Variants in ELP4 observed in about 807,000 individuals in gnomAD.
ELP4 encodes elongator complex protein 4.
ELP4 carries 51 observed loss-of-function variants against 48.9 expected under a neutral mutation model. That is an observed-to-expected ratio of 1.04 (90% confidence interval 0.83 to 1.32). The LOEUF (loss-of-function observed/expected upper bound fraction) is 1.32. ELP4 is among the 40% of genes most tolerant of loss of function. The pLI is 0.00. For synonymous variants in ELP4, 210 were observed against 189.2 expected, an observed-to-expected ratio of 1.11 and a Z score of -0.90; for missense variants, 519 against 514.6, an observed-to-expected ratio of 1.01 and a Z score of -0.08.
chr11:31,536,981 T>C (rs1197527333), intron 2 of ELP4, among the ~76,000 whole-genome samples: 1 of 152,218 alleles, frequency 6.6e-6, no homozygotes, highest in African/African-American at 2.4e-5. Flanking sequence ...ATTGTAAACA[T>C]TTTTATGAAG....
At chr11:31,682,982 T>C (rs553983765) in intron 9 of ELP4, among the ~76,000 whole-genome samples, 1 of 152,320 alleles carries the variant, frequency 6.6e-6, no homozygotes, top group Admixed American at 6.5e-5. Context: ...TCACCCATAG[T>C]GCCAAAATAT....
chr11:31,719,268 A>C (rs1946907031), intron 9 of ELP4, among the ~76,000 whole-genome samples: 1 of 152,230 alleles, frequency 6.6e-6, no homozygotes, highest in South Asian at 2.1e-4. Context: ...AAAGAAAAAA[A>C]AAAAAGAAAG....
chr11:31,685,454 C>G lies in ELP4; in HGVS notation c.1143+35233C>G, dbSNP rs552332119. ...CTGTGCATTTTTTTACTCTATATTT[C>G]CAATTACATAGTTAATTGAAATGGG... is the stretch of plus-strand genomic sequence containing the variant. On this transcript the variant is annotated intron_variant, in intron 9 of 9. Transcript: ENST00000640961. 2.6e-5 allele frequency among the ~76,000 whole-genome samples: 4 copies of G among 152,106 alleles called. No individual in the cohort carries two copies. In the East Asian group the frequency reaches 7.7e-4, roughly 29 times the overall value.
intron 3 of ELP4, among the ~76,000 whole-genome samples, chr11:31,566,591 T>C (rs1957115724): frequency 1.3e-5 from 2 of 152,180 alleles, no homozygotes; most frequent in Non-Finnish European, 2.9e-5. Flanking sequence ...CACACCATAA[T>C]CGGGTAAAAT....
intron 4 of ELP4, chr11:31,600,039 T>C (rs535893244): frequency 6.6e-6 from 1 of 152,306 alleles, no homozygotes; most frequent in South Asian, 2.1e-4. Context: ...TTGATTATCA[T>C]AGATGCCTTT....
At chr11:31,682,529 A>G (rs1356994596) in intron 9 of ELP4, among the ~76,000 whole-genome samples, 2 of 152,196 alleles carry the variant, frequency 1.3e-5, no homozygotes, top group African/African-American at 4.8e-5. Flanking sequence ...TATTTGTAAA[A>G]TTAGCACCTT....
chr11:31,714,744 G>GGCTT, intron 9 of ELP4: 1 of 398,534 alleles, frequency 2.5e-6, no homozygotes, highest in East Asian at 3.6e-5. Context: ...CTTGGCTCAT[G>GGCTT]GCTTCTTCCT....
At position 31,716,105 on chromosome 11, in the gene ELP4, C is replaced by T. The variant is rs116985479; in HGVS notation, c.1143+65884C>T. Reference sequence around the variant, plus strand: ...CGTAGCTCACTGCAGCCTCAAATTCCTGGGTTGTAAACCATCCTCCTGCCT... The same window carrying T: ...CGTAGCTCACTGCAGCCTCAAATTCTTGGGTTGTAAACCATCCTCCTGCCT... On this transcript the variant is annotated intron_variant, in intron 9 of 9. Coordinates refer to ENST00000640961, the MANE Select transcript of ELP4 (RefSeq NM_019040.5). Among the ~76,000 whole-genome samples the T allele has an allele frequency of 7.1e-3, 1,086 of 152,250 alleles. 5 individuals carry two copies. The highest frequency in any genetic ancestry group is 9.8e-3 in the Non-Finnish European group (667 of 68,024).
At chr11:31,622,414 G>A (rs928852699) in intron 5 of ELP4, among the ~76,000 whole-genome samples, 9 of 151,302 alleles carry the variant, frequency 5.9e-5, no homozygotes, top group Non-Finnish European at 1.3e-4. Flanking sequence ...TTTCTTTGAG[G>A]ACTTTTGCTA....
chr11:31,671,893 A>G (rs575872205), intron 9 of ELP4, among the ~76,000 whole-genome samples: 1 of 152,316 alleles, frequency 6.6e-6, no homozygotes, highest in East Asian at 1.9e-4. Flanking sequence ...ATGTGACTTA[A>G]GGTTTAGCTG....
chr11:31,686,569 T>A (rs1946166266), intron 9 of ELP4, among the ~76,000 whole-genome samples: 1 of 152,116 alleles, frequency 6.6e-6, no homozygotes, highest in African/African-American at 2.4e-5. Flanking sequence ...AGATTACCAA[T>A]CAGATTTGTG....
intron 9 of ELP4, among the ~76,000 whole-genome samples, chr11:31,778,624 T>A (rs1948298727): frequency 6.6e-6 from 1 of 152,068 alleles, no homozygotes; most frequent in Non-Finnish European, 1.5e-5. Flanking sequence ...CTGACGAGAG[T>A]CTTATGAGGG....
chr11:31,609,527 G>A lies in ELP4; in HGVS notation c.653+5620G>A, dbSNP rs1232183. On this transcript the variant is annotated intron_variant, in intron 5 of 9. Coordinates refer to ENST00000640961, the MANE Select transcript of ELP4 (RefSeq NM_019040.5). ...GCAGGGTTTTCATCAGCTCTTTGAG[G>A]GATATCTTTGAGTTTTTCATAATTT... 4.0e-3 allele frequency among the ~76,000 whole-genome samples: 602 copies of A among 150,918 alleles called. 1 individual carries two copies. Among genetic ancestry groups the A allele is most frequent in the Non-Finnish European group, 7.2e-3 (490 of 68,002 alleles).
intron 9 of ELP4, chr11:31,767,266 G>T (rs1046961117): frequency 2.6e-5 from 4 of 151,994 alleles, no homozygotes; most frequent in African/African-American, 4.8e-5. Flanking sequence ...CAAACTTCAG[G>T]GTTTCTACTT....
At chr11:31,638,627 A>G (rs1945028411) in intron 7 of ELP4, among the ~76,000 whole-genome samples, 1 of 151,890 alleles carries the variant, frequency 6.6e-6, no homozygotes, top group Non-Finnish European at 1.5e-5. Flanking sequence ...ATTTTAATTG[A>G]TGTGTTTTCA....
chr11:31,523,851 T>G (rs1396350783), intron 2 of ELP4, among the ~76,000 whole-genome samples: 6 of 152,170 alleles, frequency 3.9e-5, no homozygotes, highest in African/African-American at 1.4e-4. Context: ...TGACAGTCTG[T>G]TACATTGGTA....
intron 3 of ELP4, among the ~76,000 whole-genome samples, chr11:31,581,241 A>C (rs1957387279): frequency 6.6e-6 from 1 of 152,074 alleles, no homozygotes; most frequent in Non-Finnish European, 1.5e-5. Context: ...CATTCTAGCA[A>C]CTGCCTTGAC....
At chr11:31,662,426 A>G (rs929980197) in intron 9 of ELP4, 3 of 394,292 alleles carry the variant, frequency 7.6e-6, no homozygotes, top group Non-Finnish European at 1.3e-5. Context: ...ACTATGGCCC[A>G]TGGGCCAAAT....
intron 7 of ELP4, chr11:31,647,006 A>G (rs935835272): frequency 6.6e-6 from 1 of 151,790 alleles, no homozygotes; most frequent in South Asian, 2.1e-4. Context: ...TATTGTTTTG[A>G]TCTGGCAAAA....
Sources: allele counts gnomAD v4.1 joint callset (sites outside exome capture counted in the v4.1 genomes callset), GRCh38; gene constraint gnomAD v4.1.1; transcripts MANE v1.5; gene names NCBI Gene and HGNC (gene_info 2026-07-23, HGNC 2026-07-21).